KLHL22: variants seen among roughly 807,000 people sequenced by gnomAD.
The protein encoded by KLHL22 is kelch-like protein 22.
In KLHL22, 18 loss-of-function variants were observed where a neutral mutation model predicts 60.7. The ratio of observed to expected loss-of-function variants is 0.30; its 90% confidence interval spans 0.20 to 0.44. The LOEUF is 0.44. KLHL22 is among the 20% of genes least tolerant of loss of function. The pLI is 1.00. For synonymous variants in KLHL22, 355 were observed against 354.5 expected (o/e 1.00, Z -0.01); for missense variants, 596 against 852.3 (o/e 0.70, Z 3.74).
intron 2 of KLHL22, among the ~76,000 whole-genome samples, chr22:20,481,588 T>TA (rs1008973588): frequency 6.6e-6 from 1 of 151,936 alleles, no homozygotes. Flanking sequence ...AAAAAAAAAT[T>TA]AAAAAAAAAT....
At chr22:20,448,664 A>G (rs1351155924) in intron 5 of KLHL22, among the ~76,000 whole-genome samples, 1 of 152,174 alleles carries the variant, frequency 6.6e-6, no homozygotes, top group Non-Finnish European at 1.5e-5. Flanking sequence ...TCCCGGGTTC[A>G]AGCAATTCTT....
intron 4 of KLHL22, among the ~76,000 whole-genome samples, chr22:20,463,573 T>A (rs1601347773): frequency 6.6e-6 from 1 of 152,236 alleles, no homozygotes; most frequent in South Asian, 2.1e-4. Flanking sequence ...AGCAGGGTGG[T>A]CTGGCCTTGG....
intron 4 of KLHL22, among the ~76,000 whole-genome samples, chr22:20,464,654 A>G (rs541352067): frequency 2.0e-5 from 3 of 152,262 alleles, no homozygotes; most frequent in Admixed American, 6.5e-5. Context: ...AGTAGGGGAC[A>G]TGCAGGAAAG....
intron 1 of KLHL22, chr22:20,493,251 T>A (rs749763056): frequency 1.9e-5 from 9 of 471,030 alleles, no homozygotes; most frequent in South Asian, 1.4e-4. Flanking sequence ...CAGAAAGACA[T>A]CTTCCATGGG....
At chr22:20,474,443 G>A (rs2053377111) in intron 2 of KLHL22, among the ~76,000 whole-genome samples, 3 of 152,036 alleles carry the variant, frequency 2.0e-5, no homozygotes, top group Non-Finnish European at 4.4e-5. Context: ...CCAGGCTGGA[G>A]AGCAATGGTG....
intron 2 of KLHL22, among the ~76,000 whole-genome samples, chr22:20,480,933 G>A (rs919427804): frequency 2.0e-5 from 3 of 148,398 alleles, no homozygotes; most frequent in Admixed American, 1.4e-4. Flanking sequence ...CTGGGTTCAC[G>A]CCATTCTCCT....
chr22:20,460,481 T>C (rs2053134212), intron 4 of KLHL22, among the ~76,000 whole-genome samples: 1 of 151,944 alleles, frequency 6.6e-6, no homozygotes, highest in South Asian at 2.1e-4. Flanking sequence ...TGGTGGTGTG[T>C]GGCTGTAGTT....
In KLHL22 at chr22:20,441,973, A is replaced by G; in HGVS notation, c.*100T>C. On this transcript the variant is annotated 3_prime_UTR_variant, in exon 7 of 7. Coordinates refer to ENST00000328879, the MANE Select transcript of KLHL22 (RefSeq NM_032775.4). ...CCCATAAGCTGTGGCCAACAGGGGC[A>G]GGGGCCCTGCCTGGAGTAAAGTGCT... 1 of 1,261,230 alleles carries G rather than the reference A, an allele frequency of 7.9e-7. No individual in the cohort carries two copies. The highest frequency in any genetic ancestry group is 1.1e-6 in the Non-Finnish European group (1 of 940,482). 78.1% of individuals were successfully genotyped at this position (1,261,230 alleles called of 1,614,324 possible).
chr22:20,450,287 T>C (rs2146179037), intron 5 of KLHL22: 1 of 1,017,098 alleles, frequency 9.8e-7, no homozygotes, highest in South Asian at 1.3e-5. Flanking sequence ...CCTGTAGTGA[T>C]TACTTCTGTG....
chr22:20,461,035 G>A (rs1387045900), intron 4 of KLHL22, among the ~76,000 whole-genome samples: 1 of 152,176 alleles, frequency 6.6e-6, no homozygotes, highest in African/African-American at 2.4e-5. Context: ...AGACGGAAAG[G>A]ACCTTACCGG....
intron 4 of KLHL22, among the ~76,000 whole-genome samples, chr22:20,460,330 C>T (rs1011434089): frequency 1.3e-5 from 2 of 152,208 alleles, no homozygotes; most frequent in East Asian, 1.9e-4. Flanking sequence ...CACACAGGGC[C>T]GGGCGTGGTG....
intron 5 of KLHL22, among the ~76,000 whole-genome samples, chr22:20,447,895 A>G (rs75989619): frequency 3.9e-5 from 6 of 152,166 alleles, no homozygotes; most frequent in African/African-American, 1.4e-4. Flanking sequence ...AGTCACGTGT[A>G]GTTGGAAGTA....
intron 2 of KLHL22, among the ~76,000 whole-genome samples, chr22:20,476,949 C>T (rs1308683529): frequency 2.6e-5 from 4 of 151,162 alleles, no homozygotes; most frequent in African/African-American, 9.7e-5. Context: ...TGATGTGATC[C>T]ACCCACCTCG....
intron 2 of KLHL22, chr22:20,484,056 C>A (rs2053548165): frequency 2.1e-6 from 2 of 965,878 alleles, no homozygotes; most frequent in East Asian, 2.6e-5. Context: ...CTGGACAGAG[C>A]CCAGGGACCA....
At chr22:20,493,182 G>T in intron 1 of KLHL22, 1 of 471,200 alleles carries the variant, frequency 2.1e-6, no homozygotes. Context: ...TGCTCTCTTG[G>T]GAAGGGATAA....
At chr22:20,444,151 G>A (rs1484232316) in intron 6 of KLHL22, among the ~76,000 whole-genome samples, 1 of 151,780 alleles carries the variant, frequency 6.6e-6, no homozygotes, top group African/African-American at 2.4e-5. Context: ...AAGACGAAGT[G>A]TCCCCAAGCC....
chr22:20,458,818 C>T (rs143834990), intron 4 of KLHL22, among the ~76,000 whole-genome samples: 19 of 152,266 alleles, frequency 1.2e-4, no homozygotes, highest in African/African-American at 4.3e-4. Flanking sequence ...GCCAGCCCCG[C>T]GTTTCCTGAC....
At chr22:20,481,088 C>G (rs372596926) in intron 2 of KLHL22, 7 of 151,906 alleles carry the variant, frequency 4.6e-5, no homozygotes, top group African/African-American at 1.7e-4. Context: ...GCCTCGGCCT[C>G]CCAAAGTACT....
chr22:20,493,576 T>G (rs1340231998), intron 1 of KLHL22, among the ~76,000 whole-genome samples: 1 of 151,592 alleles, frequency 6.6e-6, no homozygotes, highest in African/African-American at 2.4e-5. Context: ...GGTCAGGAGT[T>G]CAAGACCAGC....
Sources: allele counts gnomAD v4.1 joint callset (sites outside exome capture counted in the v4.1 genomes callset), GRCh38; gene constraint gnomAD v4.1.1; transcripts MANE v1.5; gene names NCBI Gene and HGNC (gene_info 2026-07-23, HGNC 2026-07-21).